The following GRK3 variants were observed in gnomAD, a reference collection of about 807,000 sequenced individuals.
GRK3 encodes G protein-coupled receptor kinase 3.
A neutral mutation model predicts 95.7 loss-of-function variants in GRK3; 54 were observed. The ratio of observed to expected loss-of-function variants is 0.56; its 90% CI spans 0.45 to 0.71. The LOEUF (loss-of-function observed/expected upper bound fraction) is 0.71. Among genes scored for constraint, GRK3 ranks in the 30% least tolerant of loss-of-function variants. GRK3 has a pLI of 0.00. For missense variants in GRK3, 649 were observed against 851.2 expected (o/e 0.76, Z 2.96); for synonymous variants, 281 against 290.8 (o/e 0.97, Z 0.34).
chr22:25,721,761 C>G (rs113931499), intron 20 of GRK3, among the ~76,000 whole-genome samples: 1 of 152,084 alleles, frequency 6.6e-6, no homozygotes, highest in Admixed American at 6.5e-5. Context: ...CTTCTCTAAA[C>G]GAAAATGCCA....
intron 2 of GRK3, among the ~76,000 whole-genome samples, chr22:25,641,385 C>T (rs1362628048): frequency 1.3e-5 from 2 of 152,160 alleles, no homozygotes; most frequent in Non-Finnish European, 2.9e-5. Flanking sequence ...TTCTACCTTT[C>T]TTCCTTTGTT....
At chr22:25,680,502 A>T (rs536114566) in intron 9 of GRK3, among the ~76,000 whole-genome samples, 1 of 152,218 alleles carries the variant, frequency 6.6e-6, no homozygotes, top group Non-Finnish European at 1.5e-5. Flanking sequence ...CCTATAGAAA[A>T]TAAACGTTTT....
chr22:25,708,659 ATT>A (rs199506412), intron 15 of GRK3, among the ~76,000 whole-genome samples: 4 of 141,190 alleles, frequency 2.8e-5, no homozygotes, highest in Non-Finnish European at 3.1e-5. Flanking sequence ...GGAGTGTGCA[ATT>A]TTTTTTTTTT....
intron 12 of GRK3, among the ~76,000 whole-genome samples, chr22:25,691,990 G>A (rs1046455113): frequency 6.6e-6 from 1 of 152,118 alleles, no homozygotes; most frequent in Admixed American, 6.5e-5. Context: ...TTGAGACAGG[G>A]TCTTGCTCTG....
Position 25,575,851 on chromosome 22 carries a change from G to A in GRK3, c.113+10698G>A, listed in dbSNP as rs369652316. 1.2e-4 allele frequency among the ~76,000 whole-genome samples: 18 copies of A among 152,340 alleles called. No individual in the cohort carries two copies. In the South Asian group the frequency reaches 2.7e-3, roughly 23 times the overall value. Reference sequence around the variant, plus strand: ...ATACTAGTGTCTTGACTGTGGGGCAGGGAGTGGCTTTCAGCCTTCCAGACT... The same window carrying A: ...ATACTAGTGTCTTGACTGTGGGGCAAGGAGTGGCTTTCAGCCTTCCAGACT... On this transcript the variant is annotated intron_variant, in intron 1 of 20. Transcript: ENST00000324198.
intron 2 of GRK3, among the ~76,000 whole-genome samples, chr22:25,607,080 G>T (rs1445503261): frequency 6.6e-6 from 1 of 152,100 alleles, no homozygotes; most frequent in Non-Finnish European, 1.5e-5. Context: ...GTATATGTAT[G>T]TGTTTGTGTG....
intron 1 of GRK3, among the ~76,000 whole-genome samples, chr22:25,590,454 G>A (rs1278208736): frequency 6.6e-6 from 1 of 152,006 alleles, no homozygotes; most frequent in Non-Finnish European, 1.5e-5. Context: ...TTTTGTTAAA[G>A]ATATCAGGTC....
chr22:25,599,255 A>G (rs2084392381), intron 1 of GRK3, among the ~76,000 whole-genome samples: 1 of 152,162 alleles, frequency 6.6e-6, no homozygotes, highest in Non-Finnish European at 1.5e-5. Context: ...AGACACCACT[A>G]AGCAAGTGCA....
At chr22:25,620,133 GA>G (rs1369860288) in intron 2 of GRK3, among the ~76,000 whole-genome samples, 1 of 151,782 alleles carries the variant, frequency 6.6e-6, no homozygotes, top group African/African-American at 2.4e-5. Flanking sequence ...GAGACAGAGG[GA>G]GGGGCGCTTC....
rs1473974364 is a variant in GRK3 at position 25,700,659 on chromosome 22, C to T, written c.1161-2851C>T. ...CTGGAGTGCAGTAGTGTGATCTTGGCTCACTGCAAGCTCTGCCTCACAGGT... is the reference window on the plus strand; with the variant it reads ...CTGGAGTGCAGTAGTGTGATCTTGGTTCACTGCAAGCTCTGCCTCACAGGT... On this transcript the variant is annotated intron_variant, in intron 13 of 20. Coordinates refer to ENST00000324198, the MANE Select transcript of GRK3 (RefSeq NM_005160.4). Among the ~76,000 whole-genome samples, 6 of 152,304 alleles carry T rather than the reference C, an allele frequency of 3.9e-5. No individual in the cohort carries two copies. The East Asian group carries it at 1.2e-3, about 29-fold the overall frequency.
intron 7 of GRK3, among the ~76,000 whole-genome samples, chr22:25,673,539 C>G (rs8142284): frequency 3.3e-5 from 5 of 151,660 alleles, no homozygotes; most frequent in Non-Finnish European, 5.9e-5. Context: ...GTCTTTCATA[C>G]GCTTCTGCCT....
rs1022842527 is a variant in GRK3 at position 25,648,974 on chromosome 22, A to T, written c.264+4309A>T. The T allele has an allele frequency of 2.3e-5, 23 of 1,005,306 alleles. No homozygotes were observed. In the African/African-American group the frequency reaches 2.5e-4, roughly 11 times the overall value. The allele number at this position is 1,005,306 out of a possible 1,614,324, so 62.3% of individuals were successfully genotyped here. A position where few individuals can be genotyped will look rare whatever the true frequency, so the allele number is the denominator to read the frequency against. ...TTACAATAAAGTCTGGTGTCTGCTC[A>T]TTTGGAATTCTACAGACAGAACTGG... On this transcript the variant is annotated intron_variant, in intron 3 of 20. Transcript: ENST00000324198.
chr22:25,683,767 A>G (rs2085092625), intron 9 of GRK3, among the ~76,000 whole-genome samples: 1 of 152,062 alleles, frequency 6.6e-6, no homozygotes. Flanking sequence ...TATTATAGAT[A>G]TGAGTCCTTT....
intron 5 of GRK3, among the ~76,000 whole-genome samples, chr22:25,667,300 A>G (rs150166160): frequency 1.3e-5 from 2 of 152,254 alleles, no homozygotes; most frequent in Non-Finnish European, 2.9e-5. Context: ...TTATTAGCTT[A>G]CAAGTTGTGC....
intron 1 of GRK3, among the ~76,000 whole-genome samples, chr22:25,570,546 G>A (rs1353709382): frequency 6.6e-6 from 1 of 152,112 alleles, no homozygotes; most frequent in Non-Finnish European, 1.5e-5. Context: ...ACATATCTGC[G>A]GACCACTGTA....
intron 1 of GRK3, among the ~76,000 whole-genome samples, chr22:25,565,482 C>T (rs1931439845): frequency 6.6e-6 from 1 of 152,078 alleles, no homozygotes; most frequent in South Asian, 2.1e-4. Flanking sequence ...TCCTGTCCTG[C>T]CCTGTCCCAT....
intron 12 of GRK3, among the ~76,000 whole-genome samples, chr22:25,692,019 A>C (rs563767476): frequency 6.6e-6 from 1 of 152,256 alleles, no homozygotes; most frequent in East Asian, 1.9e-4. Context: ...GCTGGAGTAC[A>C]GTGGTGTGAT....
intron 2 of GRK3, among the ~76,000 whole-genome samples, chr22:25,612,678 C>G (rs183630634): frequency 1.2e-3 from 181 of 152,046 alleles, no homozygotes; most frequent in African/African-American, 4.2e-3. Context: ...TGGTCTCAAA[C>G]ATATTTAGCA....
intron 17 of GRK3, among the ~76,000 whole-genome samples, chr22:25,712,818 A>C (rs796420232): frequency 5.3e-5 from 8 of 152,376 alleles, no homozygotes; most frequent in African/African-American, 1.7e-4. Flanking sequence ...TTCCTGAGCA[A>C]GAGCTGAGAA....
Sources: allele counts gnomAD v4.1 joint callset (sites outside exome capture counted in the v4.1 genomes callset), GRCh38; gene constraint gnomAD v4.1.1; transcripts MANE v1.5; gene names NCBI Gene and HGNC (gene_info 2026-07-23, HGNC 2026-07-21).